Variants in PKNOX1 observed in about 807,000 individuals in gnomAD.
PKNOX1 encodes the protein PBX/knotted 1 homeobox 1.
A neutral mutation model predicts 51.9 loss-of-function variants in PKNOX1; 15 were observed. The observed-to-expected ratio is 0.29, with a 90% CI of 0.19 to 0.45. PKNOX1 has a LOEUF of 0.45. Among genes scored for constraint, PKNOX1 ranks in the 20% least tolerant of loss-of-function variants. The pLI, the probability that PKNOX1 is intolerant of heterozygous loss-of-function variation, is 1.00. For synonymous variants in PKNOX1, 219 were observed against 211.1 expected (o/e 1.04, Z -0.32); for missense variants, 462 against 547.5 (o/e 0.84, Z 1.56).
In PKNOX1 at chr21:43,022,441, C is replaced by T. The variant is rs138978062; in HGVS notation, c.849+1010C>T. ...GGATAGGGTCCATGGGAGTGACTGG[C>T]CTGAGGGCTTGAAACTGGTGGGTAG... On this transcript the variant is annotated intron_variant, in intron 8 of 10. Transcript: ENST00000291547. Among the ~76,000 whole-genome samples, 807 of 152,296 alleles carry T rather than the reference C, an allele frequency of 5.3e-3. 4 individuals are homozygous for T. The highest frequency in any genetic ancestry group is 0.014 in the Middle Eastern group (4 of 294).
At chr21:43,029,327 G>A (rs753075637) in intron 10 of PKNOX1, among the ~76,000 whole-genome samples, 25 of 151,548 alleles carry the variant, frequency 1.6e-4, no homozygotes, top group Non-Finnish European at 3.5e-4. Context: ...CAGCCATTCT[G>A]ATGTGTTTTA....
chr21:42,984,073 C>CGTGT (rs1568887294), intron 1 of PKNOX1, among the ~76,000 whole-genome samples: 4 of 38,346 alleles, frequency 1.0e-4, no homozygotes, highest in South Asian at 7.8e-4. Context: ...TACGTGTGTG[C>CGTGT]GTGTGTGTGC....
chr21:43,020,389 A>AGG (rs1157130359), intron 7 of PKNOX1: 1 of 152,312 alleles, frequency 6.6e-6, no homozygotes, highest in African/African-American at 2.4e-5. Flanking sequence ...ACGCTGTGTG[A>AGG]GGGAGGCCGT....
intron 1 of PKNOX1, among the ~76,000 whole-genome samples, chr21:42,979,690 C>T (rs2059016961): frequency 1.3e-5 from 2 of 151,964 alleles, no homozygotes; most frequent in South Asian, 2.1e-4. Context: ...TGCAGTGAGC[C>T]GAGATCGCGC....
At chr21:42,975,112 C>CG (rs1568883336) in intron 1 of PKNOX1, among the ~76,000 whole-genome samples, 1 of 142,590 alleles carries the variant, frequency 7.0e-6, no homozygotes, top group East Asian at 2.1e-4. Context: ...GGGCGCGCGG[C>CG]GGGGCGGGGC....
chr21:43,009,947 T>C, intron 3 of PKNOX1, 106 bp from the exon 4 acceptor site: 1 of 619,216 alleles, frequency 1.6e-6, no homozygotes, highest in Non-Finnish European at 2.6e-6. Context: ...GGCGTGTGCA[T>C]TTTCACCCAA....
intron 1 of PKNOX1, among the ~76,000 whole-genome samples, chr21:42,982,840 T>G (rs1302211335): frequency 6.6e-6 from 1 of 152,030 alleles, no homozygotes; most frequent in Non-Finnish European, 1.5e-5. Flanking sequence ...AACAGGGGCT[T>G]GCTCTGTTGC....
Position 43,021,473 on chromosome 21 carries a change from G to A in PKNOX1, c.849+42G>A, listed in dbSNP as rs201582887. On this transcript the variant is annotated intron_variant, in intron 8 of 10. Transcript: ENST00000291547. This position sits in a 1 kb window ranked among gnomAD's most constrained non-coding sequence, Gnocchi z 4.6. ...CAGCCCTTGCCTTGCAGCCCTCTGC[G>A]ACGCTTGCTCTCTGGCTTATGTGTC... 4.7e-5 allele frequency: 73 copies of A among 1,553,082 alleles called. 1 individual carries two copies. The East Asian group carries it at 1.2e-3, about 26-fold the overall frequency.
At chr21:43,026,388 C>T (rs1979983220) in intron 9 of PKNOX1, among the ~76,000 whole-genome samples, 1 of 152,134 alleles carries the variant, frequency 6.6e-6, no homozygotes, top group Non-Finnish European at 1.5e-5. Context: ...ACAAACATTA[C>T]ATCTTGGAGT....
chr21:43,013,433 A>T (rs543293122), intron 5 of PKNOX1, among the ~76,000 whole-genome samples, 195 bp downstream of exon 5: 1 of 152,194 alleles, frequency 6.6e-6, no homozygotes, highest in Non-Finnish European at 1.5e-5. Flanking sequence ...CTCAATCTGC[A>T]TACTGGGCCC....
intron 10 of PKNOX1, among the ~76,000 whole-genome samples, chr21:43,029,564 AGTAG>A (rs1751393938): frequency 1.3e-5 from 2 of 150,526 alleles, no homozygotes; most frequent in South Asian, 2.1e-4. Context: ...AGTAGCTCGG[AGTAG>A]CTACAGGTGC....
At chr21:43,022,648 C>T (rs954219228) in intron 8 of PKNOX1, among the ~76,000 whole-genome samples, 6 of 152,106 alleles carry the variant, frequency 3.9e-5, no homozygotes, top group Non-Finnish European at 7.3e-5. Context: ...CTGTGAGCAG[C>T]GGGGCTGCTC....
rs138486584 is a variant in PKNOX1 at position 43,029,424 on chromosome 21, G to GTTTTTTTTTTTTTTTTTTT, written c.1100-463_1100-445dup. Among the ~76,000 whole-genome samples, 51 of 63,290 alleles carry GTTTTTTTTTTTTTTTTTTT rather than the reference G, an allele frequency of 8.1e-4. 8 individuals carry two copies. Among genetic ancestry groups the GTTTTTTTTTTTTTTTTTTT allele is most frequent in the African/African-American group, 8.5e-4 (13 of 15,306 alleles). 41.5% of individuals were successfully genotyped at this position (63,290 alleles called of 152,430 possible). On this transcript the variant is annotated intron_variant, in intron 10 of 10. Coordinates refer to ENST00000291547, the MANE Select transcript of PKNOX1 (RefSeq NM_004571.5). The stretch of plus-strand genomic sequence containing the variant: ...TTATTTTTTTTTATTTGTTTGCTTT[G>GTTTTTTTTTTTTTTTTTTT]TTTTTTTTTTTTTTTTTTTTTGAGA...
chr21:43,018,218 C>T lies in PKNOX1; in HGVS notation c.708C>T (p.Ile236=). 1 of 1,612,334 alleles carries T rather than the reference C, an allele frequency of 6.2e-7. No individual in the cohort carries two copies. Among genetic ancestry groups the T allele is most frequent in the Non-Finnish European group, 8.5e-7 (1 of 1,178,526 alleles). Residue 236 remains isoleucine (I), a synonymous_variant, in exon 7 of 11, where the codon ATC becomes ATT. Transcript: ENST00000291547. The part of the protein sequence containing the change: ...TQTLSPGTIR[I]QNSQLQLQLN... ...CATTGTCGCCTGGGACAATTAGGAT[C>T]CAGAACTCCCAGGTGCGTGCGCCAT...
intron 4 of PKNOX1, among the ~76,000 whole-genome samples, chr21:43,012,771 C>T (rs1601293806): frequency 1.3e-5 from 2 of 152,082 alleles, no homozygotes; most frequent in South Asian, 2.1e-4. Context: ...TGCCACAGAG[C>T]GAATCAGTGG....
intron 1 of PKNOX1, among the ~76,000 whole-genome samples, chr21:42,994,580 G>C (rs1978407394): frequency 6.6e-6 from 1 of 151,674 alleles, no homozygotes; most frequent in South Asian, 2.1e-4. Context: ...TCTGAGAGTA[G>C]AATCTTGATT....
chr21:43,033,044 T>TC lies in PKNOX1; in HGVS notation c.*2946dup, dbSNP rs1436016871. 2.6e-5 allele frequency: 4 copies of TC among 152,214 alleles called. No individual in the cohort carries two copies. The highest frequency in any genetic ancestry group is 5.9e-5 in the Non-Finnish European group (4 of 68,042). 9.4% of individuals were successfully genotyped at this position (152,214 alleles called of 1,614,324 possible). On this transcript the variant is annotated 3_prime_UTR_variant, in exon 11 of 11. Transcript: ENST00000291547. ...TCCAGTTTTATTCTTGTTGAGTTTT[T>TC]CCCTATGAAGGCTCCTTTTGAATGT...
chr21:43,011,190 C>T (rs1024497263), intron 4 of PKNOX1, among the ~76,000 whole-genome samples: 3 of 151,860 alleles, frequency 2.0e-5, no homozygotes, highest in Non-Finnish European at 4.4e-5. Flanking sequence ...GCCTCAGCCT[C>T]CCGAGTAGCT....
chr21:43,025,419 C>T (rs2146293554), intron 9 of PKNOX1, among the ~76,000 whole-genome samples: 1 of 152,296 alleles, frequency 6.6e-6, no homozygotes, highest in African/African-American at 2.4e-5. Context: ...GGTCCTGCCC[C>T]ATGAGGGGAC....
Sources: allele counts gnomAD v4.1 joint callset (sites outside exome capture counted in the v4.1 genomes callset), GRCh38; gene constraint gnomAD v4.1.1; non-coding constraint Gnocchi (gnomAD v3.1); transcripts MANE v1.5; gene names NCBI Gene and HGNC (gene_info 2026-07-23, HGNC 2026-07-21).